SIN3B: variants seen among roughly 807,000 people sequenced by gnomAD.
SIN3B encodes the protein SIN3 transcription regulator family member B.
SIN3B carries 19 observed loss-of-function variants against 120.2 expected under a neutral mutation model. The observed-to-expected ratio is 0.16, with a 90% confidence interval of 0.11 to 0.23. The LOEUF (loss-of-function observed/expected upper bound fraction) is 0.23. SIN3B is among the 10% of genes least tolerant of loss of function. SIN3B has a pLI of 1.00. For missense variants in SIN3B, 1,073 were observed against 1,573.0 expected (o/e 0.68, Z 5.38); for synonymous variants, 654 against 653.2 (o/e 1.00, Z -0.02).
intron 7 of SIN3B, among the ~76,000 whole-genome samples, chr19:16,853,443 T>C (rs1214197850): frequency 6.6e-6 from 1 of 152,240 alleles, no homozygotes; most frequent in Non-Finnish European, 1.5e-5. Context: ...CTTTTTCTTA[T>C]ATCAGGGATG....
chr19:16,833,991 C>T (rs933193835), intron 3 of SIN3B, among the ~76,000 whole-genome samples: 4 of 152,062 alleles, frequency 2.6e-5, no homozygotes, highest in Non-Finnish European at 5.9e-5. Flanking sequence ...TCCCAAAGTG[C>T]TGGGATTACA....
chr19:16,862,443 G>A lies in SIN3B; in HGVS notation c.1150G>A (p.Gly384Arg), dbSNP rs752227470. ...ACCCATGAGCGACAGATCCGGGGAC[G>A]GGATAAGCCGGGAAATTGATTATGC... The part of the protein sequence containing the change: ...APPMSDRSGD[G>R]ISREIDYASC... The change falls in exon 9 of 19, where the codon GGG (glycine) becomes AGG (arginine). Residue 384 changes from glycine to arginine, a missense_variant. By Grantham distance (125) the Gly-to-Arg change is moderately radical. Coordinates refer to ENST00000248054, the MANE Select transcript of SIN3B (RefSeq NM_001297595.2). The surrounding 1 kb of genome is among the most constrained non-coding windows in gnomAD (Gnocchi z 4.7). 2.5e-6 allele frequency: 4 copies of A among 1,614,172 alleles called. No individual in the cohort carries two copies. The highest frequency in any genetic ancestry group is 1.1e-5 in the South Asian group (1 of 91,086).
chr19:16,865,667 ACTTCC>A lies in SIN3B; in HGVS notation c.1622+26_1622+30del, dbSNP rs1971760272. 1 of 1,524,598 alleles carries A rather than the reference ACTTCC, an allele frequency of 6.6e-7. No homozygotes were observed. The highest frequency in any genetic ancestry group is 9.0e-7 in the Non-Finnish European group (1 of 1,116,108). 94.4% of individuals were successfully genotyped at this position (1,524,598 alleles called of 1,614,324 possible). On this transcript the variant is annotated intron_variant, in intron 11 of 18. Coordinates refer to ENST00000248054, the MANE Select transcript of SIN3B (RefSeq NM_001297595.2). ...TGAAAAGGTGCCCTGTGGCGTCCCG[ACTTCC>A]CTTCCCCTTCCCCTTCCCCCTTCCC... is the stretch of plus-strand genomic sequence containing the variant.
Position 16,831,611 on chromosome 19 carries a change from T to C in SIN3B, c.345T>C (p.Asn115=), listed in dbSNP as rs1459992843. 11 of 1,613,954 alleles carry C rather than the reference T, an allele frequency of 6.8e-6. No individual in the cohort carries two copies. The highest frequency in any genetic ancestry group is 8.5e-6 in the Non-Finnish European group (10 of 1,179,992). Residue 115 remains asparagine (N), a synonymous_variant, in exon 3 of 19, where the codon AAT becomes AAC. Coordinates refer to ENST00000248054, the MANE Select transcript of SIN3B (RefSeq NM_001297595.2). The part of the protein sequence containing the change: ...PLGYRIDIPK[N]GKLNIQSPLT... ...GATATAGAATAGACATTCCCAAGAATGGCAAGTTAAACATACAGTCGCCTC... is the reference window on the plus strand; with the variant it reads ...GATATAGAATAGACATTCCCAAGAACGGCAAGTTAAACATACAGTCGCCTC...
chr19:16,865,897 C>T (rs1971765100), intron 11 of SIN3B, among the ~76,000 whole-genome samples: 2 of 152,224 alleles, frequency 1.3e-5, no homozygotes, highest in Non-Finnish European at 2.9e-5. Context: ...ATCTAGACAT[C>T]TAAATAACTG....
chr19:16,833,024 A>G (rs1303217375), intron 3 of SIN3B, among the ~76,000 whole-genome samples: 1 of 152,090 alleles, frequency 6.6e-6, no homozygotes, highest in African/African-American at 2.4e-5. Flanking sequence ...CCAGACCTTC[A>G]CTCAGTTCTG....
chr19:16,875,522 G>T (rs1036566340), intron 14 of SIN3B, among the ~76,000 whole-genome samples: 1 of 142,908 alleles, frequency 7.0e-6, no homozygotes, highest in Admixed American at 7.0e-5. Context: ...GGTCTGTTTG[G>T]TCTGGTCTGG....
In SIN3B at chr19:16,831,644, C is replaced by G; in HGVS notation, c.378C>G (p.Ser126Arg). ...GKLNIQSPLTSQENSHNHGDG... is the reference protein window; with the variant it reads ...GKLNIQSPLTRQENSHNHGDG... ...TAAACATACAGTCGCCTCTGACAAG[C>G]CAGGTATGCCACTACAGTGGTTCGG... is the stretch of plus-strand genomic sequence containing the variant. Residue 126 changes from serine to arginine, a missense_variant, in exon 3 of 19, where the codon AGC (serine) becomes AGG (arginine). By Grantham distance (110) the Ser-to-Arg change is moderately radical. Around this residue, in one of 7 missense-constraint regions of SIN3B, gnomAD observed 395 missense variants for 528.0 expected, o/e 0.75. Transcript: ENST00000248054. 1.2e-6 allele frequency: 2 copies of G among 1,613,776 alleles called. No homozygotes were observed. The highest frequency in any genetic ancestry group is 1.7e-6 in the Non-Finnish European group (2 of 1,179,788).
chr19:16,830,631 A>C (rs549286736), intron 2 of SIN3B, among the ~76,000 whole-genome samples: 1 of 152,322 alleles, frequency 6.6e-6, no homozygotes, highest in African/African-American at 2.4e-5. Flanking sequence ...CTTAGGAAAC[A>C]TGGTGGGGCT....
intron 3 of SIN3B, among the ~76,000 whole-genome samples, chr19:16,836,914 C>A (rs1971355905): frequency 6.6e-6 from 1 of 152,188 alleles, no homozygotes; most frequent in African/African-American, 2.4e-5. Context: ...GCTCATGGAG[C>A]AGGCGGTGAC....
At chr19:16,870,391 T>C (rs1599612442) in intron 13 of SIN3B, among the ~76,000 whole-genome samples, 3 of 150,992 alleles carry the variant, frequency 2.0e-5, no homozygotes, top group South Asian at 4.2e-4. Context: ...TTCTTTCTTT[T>C]TTTTTTTTTT....
chr19:16,863,655 T>A, intron 9 of SIN3B, 25 bp from the exon 10 acceptor site: 1 of 1,482,312 alleles, frequency 6.7e-7, no homozygotes, highest in Non-Finnish European at 9.4e-7. Flanking sequence ...TGCAGCGTCA[T>A]TCACGGCATT....
rs2144614045 is a variant in SIN3B at position 16,865,460 on chromosome 19, T to C, written c.1434T>C (p.Ser478=). 1.2e-6 allele frequency: 2 copies of C among 1,612,820 alleles called. No individual in the cohort carries two copies. Among genetic ancestry groups the C allele is most frequent in the Non-Finnish European group, 1.7e-6 (2 of 1,179,102 alleles). The part of the protein sequence containing the change: ...TNLATIRVLE[S]VQKKLSRMAP... ...TGGCCACAATCCGTGTGTTGGAAAGTGTGCAGAAGAAGCTGTCTCGGATGG... is the reference window on the plus strand; with the variant it reads ...TGGCCACAATCCGTGTGTTGGAAAGCGTGCAGAAGAAGCTGTCTCGGATGG... The change falls in exon 11 of 19, where the codon AGT becomes AGC. Residue 478 remains serine (S), a synonymous_variant. Transcript: ENST00000248054.
rs111446372 is a variant in SIN3B at position 16,866,765 on chromosome 19, T to G, written c.1806+209T>G. On this transcript the variant is annotated intron_variant, in intron 12 of 18. Coordinates refer to ENST00000248054, the MANE Select transcript of SIN3B (RefSeq NM_001297595.2). ...GCAACTCTGCCATTGTCTATCTGTT[T>G]GTTTGTTTGGAGACAGAGTCTCGCT... is the stretch of plus-strand genomic sequence containing the variant. Among the ~76,000 whole-genome samples the G allele has an allele frequency of 4.4e-3, 671 of 152,206 alleles. 3 individuals carry two copies. The highest frequency in any genetic ancestry group is 0.015 in the African/African-American group (606 of 41,532).
intron 8 of SIN3B, among the ~76,000 whole-genome samples, chr19:16,859,187 C>T (rs1264155850): frequency 6.6e-6 from 1 of 152,182 alleles, no homozygotes; most frequent in South Asian, 2.1e-4. Context: ...GGTCGAACCC[C>T]TCTAACTTAC....
At position 16,853,176 on chromosome 19, in the gene SIN3B, C is replaced by T. The variant is rs775498793; in HGVS notation, c.939+18C>T. 1 of 1,610,238 alleles carries T rather than the reference C, an allele frequency of 6.2e-7. No individual in the cohort carries two copies. Among genetic ancestry groups the T allele is most frequent in the Admixed American group, 1.7e-5 (1 of 59,996 alleles). On this transcript the variant is annotated intron_variant, in intron 7 of 18. Coordinates refer to ENST00000248054, the MANE Select transcript of SIN3B (RefSeq NM_001297595.2). ...TTGACAAGGTGAGGGTGGGCCCTGG[C>T]TTCCATCTTGGGGATGCCATGTCCA...
intron 9 of SIN3B, chr19:16,863,216 A>G (rs556381626): frequency 1.1e-5 from 6 of 539,464 alleles, no homozygotes; most frequent in African/African-American, 3.8e-5. Flanking sequence ...CGGATCTGCA[A>G]GTTCCTCATC....
chr19:16,859,945 A>G (rs1971664416), intron 8 of SIN3B, among the ~76,000 whole-genome samples: 1 of 152,168 alleles, frequency 6.6e-6, no homozygotes, highest in East Asian at 1.9e-4. Context: ...TCTTTGTAAA[A>G]TGGCCATACC....
At chr19:16,858,697 C>T (rs1226724563) in intron 8 of SIN3B, among the ~76,000 whole-genome samples, 1 of 152,100 alleles carries the variant, frequency 6.6e-6, no homozygotes, top group Non-Finnish European at 1.5e-5. Flanking sequence ...CGCCTGTAAT[C>T]CTAGCACTAT....
Sources: allele counts gnomAD v4.1 joint callset (sites outside exome capture counted in the v4.1 genomes callset), GRCh38; gene constraint gnomAD v4.1.1; regional missense constraint gnomAD v4.1.1; non-coding constraint Gnocchi (gnomAD v3.1); transcripts MANE v1.5; gene names NCBI Gene and HGNC (gene_info 2026-07-23, HGNC 2026-07-21).